The following DAZL variants were observed in gnomAD, a reference collection of about 807,000 sequenced individuals.
DAZL encodes the protein deleted in azoospermia like.
DAZL carries 4 observed loss-of-function variants against 45.0 expected under a neutral mutation model. The observed-to-expected ratio is 0.09, with a 90% CI of 0.04 to 0.20. The LOEUF (loss-of-function observed/expected upper bound fraction) is 0.20, where lower values mean the gene tolerates loss of function less well. Among genes scored for constraint, DAZL ranks in the 10% least tolerant of loss-of-function variants. The probability of loss-of-function intolerance (pLI) is 1.00; values close to 1 mark genes in which losing one functional copy is unlikely to be tolerated. For missense variants in DAZL, 326 were observed against 351.3 expected, an observed-to-expected ratio of 0.93 and a Z score of 0.58; for synonymous variants, 122 against 112.4, an observed-to-expected ratio of 1.09 and a Z score of -0.54.
At chr3:16,591,779 A>G (rs1331887934) in intron 10 of DAZL, among the ~76,000 whole-genome samples, 1 of 152,212 alleles carries the variant, frequency 6.6e-6, no homozygotes, top group African/African-American at 2.4e-5. Context: ...TATTTGGTCA[A>G]GCCAGTCAAC....
In DAZL at chr3:16,594,466, A is replaced by T. The variant is rs1694566821; in HGVS notation, c.621+67T>A. On this transcript the variant is annotated intron_variant, in intron 8 of 10. Coordinates refer to ENST00000399444, the MANE Select transcript of DAZL (RefSeq NM_001351.4). ...TATATGACATGGAAAACAATCAAGA[A>T]ATATAGTTAAACAAAAAAAAATACT... The T allele has an allele frequency of 2.5e-6, 3 of 1,191,732 alleles. No individual in the cohort carries two copies. The East Asian group carries it at 7.7e-5, about 31-fold the overall frequency. 73.8% of individuals were successfully genotyped at this position (1,191,732 alleles called of 1,614,324 possible).
chr3:16,597,667 T>G, intron 3 of DAZL, 126 bp from the exon 4 acceptor site: 1 of 695,342 alleles, frequency 1.4e-6, no homozygotes, highest in Non-Finnish European at 2.7e-6. Flanking sequence ...ATTTAAGATG[T>G]ACATGATAGA....
intron 1 of DAZL, chr3:16,604,511 C>A (rs1326593404): frequency 7.3e-6 from 11 of 1,513,936 alleles, no homozygotes; most frequent in South Asian, 2.5e-5. Flanking sequence ...ATCAGCAAGT[C>A]CCCCGCAGCT....
chr3:16,595,425 C>T (rs1466108401), intron 6 of DAZL, 40 bp from the exon 7 acceptor site: 5 of 1,209,558 alleles, frequency 4.1e-6, no homozygotes, highest in Admixed American at 2.1e-5. Flanking sequence ...TAATATAAAA[C>T]ATTTTTTAAA....
At chr3:16,605,081 G>A (rs1336746678) in intron 1 of DAZL, 122 bp downstream of exon 1, 69 of 1,282,634 alleles carry the variant, frequency 5.4e-5, no homozygotes, top group Non-Finnish European at 5.3e-5. Context: ...GGTGCGTCCA[G>A]GCAGGTGCCC....
chr3:16,600,430 T>C (rs929222602), intron 1 of DAZL, among the ~76,000 whole-genome samples: 37 of 152,226 alleles, frequency 2.4e-4, no homozygotes, highest in Admixed American at 1.5e-3. Context: ...TGTAAATAAT[T>C]CCTAATTCTT....
chr3:16,603,541 T>C lies in DAZL; in HGVS notation c.3+1662A>G, dbSNP rs904129785. Among the ~76,000 whole-genome samples the C allele has an allele frequency of 2.0e-5, 3 of 146,670 alleles. No homozygotes were observed. The Admixed American group carries it at 2.1e-4, about 10-fold the overall frequency. ...TTTCTGTTTTTAGTAGCGATGGGGT[T>C]TCGCCGTATTAGCCAGGCTGGTCTC... is the stretch of plus-strand genomic sequence containing the variant. On this transcript the variant is annotated intron_variant, in intron 1 of 10. Transcript: ENST00000399444.
chr3:16,604,539 C>G, intron 1 of DAZL: 2 of 1,465,506 alleles, frequency 1.4e-6, no homozygotes, highest in Non-Finnish European at 1.8e-6. Flanking sequence ...GCGAGGGGAC[C>G]AGAGGCACTT....
intron 2 of DAZL, 102 bp downstream of exon 2, chr3:16,598,350 T>C: frequency 5.9e-6 from 9 of 1,513,772 alleles, no homozygotes; most frequent in Non-Finnish European, 8.2e-6. Flanking sequence ...AAACCAATTC[T>C]AAACCTCCAT....
At chr3:16,593,998 C>CT (rs1172827030) in intron 8 of DAZL, among the ~76,000 whole-genome samples, 1 of 152,154 alleles carries the variant, frequency 6.6e-6, no homozygotes, top group African/African-American at 2.4e-5. Flanking sequence ...TAGAAGAACT[C>CT]TAAGAAACTA....
At chr3:16,597,890 T>C (rs1294140954) in intron 3 of DAZL, among the ~76,000 whole-genome samples, 197 bp downstream of exon 3, 2 of 152,202 alleles carry the variant, frequency 1.3e-5, no homozygotes, top group East Asian at 3.8e-4. Context: ...TTCATTTGTA[T>C]GAAATAAAGA....
intron 1 of DAZL, among the ~76,000 whole-genome samples, chr3:16,601,688 A>G (rs1023371927): frequency 2.6e-5 from 4 of 152,222 alleles, no homozygotes; most frequent in African/African-American, 9.6e-5. Flanking sequence ...AAACTGCATT[A>G]AAGAAGTAAT....
chr3:16,595,449 T>A, intron 6 of DAZL, 64 bp from the exon 7 acceptor site: 2 of 953,022 alleles, frequency 2.1e-6, no homozygotes, highest in Non-Finnish European at 3.2e-6. Context: ...AGAAATATTA[T>A]TCCCAATATA....
At chr3:16,603,706 T>C (rs1694729079) in intron 1 of DAZL, among the ~76,000 whole-genome samples, 1 of 152,178 alleles carries the variant, frequency 6.6e-6, no homozygotes, top group Non-Finnish European at 1.5e-5. Flanking sequence ...GGTAAAATAA[T>C]GGTATAATTT....
intron 1 of DAZL, among the ~76,000 whole-genome samples, chr3:16,600,246 A>G (rs924508629): frequency 5.3e-5 from 8 of 152,228 alleles, no homozygotes; most frequent in Non-Finnish European, 8.8e-5. Context: ...TGAAAAGCAC[A>G]GTAATTTTAT....
chr3:16,599,788 T>C lies in DAZL; in HGVS notation c.4-1190A>G, dbSNP rs567153068. ...TAATATATATGTTGGAGAAGCAATA[T>C]AGCAGAGTGAAACAAAAATTAATTT... On this transcript the variant is annotated intron_variant, in intron 1 of 10. Coordinates refer to ENST00000399444, the MANE Select transcript of DAZL (RefSeq NM_001351.4). Among the ~76,000 whole-genome samples the C allele has an allele frequency of 3.3e-5, 5 of 152,324 alleles. No homozygotes were observed. In the East Asian group the frequency reaches 7.7e-4, roughly 23 times the overall value.
At chr3:16,593,837 A>G (rs1694557773) in intron 8 of DAZL, 69 bp from the exon 9 acceptor site, 1 of 985,960 alleles carries the variant, frequency 1.0e-6, no homozygotes, top group African/African-American at 1.6e-5. Context: ...CTTATTCTTC[A>G]AAAAGCTAAG....
At position 16,598,118 on chromosome 3, in the gene DAZL, T is replaced by A. The variant is rs754229157; in HGVS notation, c.211A>T (p.Ile71Leu). Reference sequence around the variant, plus strand: ...GACACACCAGTTCGATCAGTGATTATCTTCACTTCTTTCACTGAACCATAT... The same window carrying A: ...GACACACCAGTTCGATCAGTGATTAACTTCACTTCTTTCACTGAACCATAT... The part of the protein sequence containing the change: ...ARYGSVKEVK[I>L]ITDRTGVSKG... Residue 71 changes from isoleucine (I) to leucine (L), a missense_variant, in exon 3 of 11, where the codon ATA becomes TTA. Physicochemically the swap from Ile to Leu is conservative, Grantham distance 5. Coordinates refer to ENST00000399444, the MANE Select transcript of DAZL (RefSeq NM_001351.4). The A allele has an allele frequency of 1.6e-5, 25 of 1,599,694 alleles. No individual in the cohort carries two copies. The highest frequency in any genetic ancestry group is 2.1e-5 in the Non-Finnish European group (24 of 1,169,926).
In DAZL at chr3:16,603,144, C is replaced by T. The variant is rs73818474; in HGVS notation, c.3+2059G>A. On this transcript the variant is annotated intron_variant, in intron 1 of 10. Transcript: ENST00000399444. ...CACCATCAGTGGGAAAATACTGATACATTCTTTACACCAAGAGTAGCTTGG... is the reference window on the plus strand; with the variant it reads ...CACCATCAGTGGGAAAATACTGATATATTCTTTACACCAAGAGTAGCTTGG... Among the ~76,000 whole-genome samples, 511 of 152,306 alleles carry T rather than the reference C, an allele frequency of 3.4e-3. 4 individuals are homozygous for T. The highest frequency in any genetic ancestry group is 0.012 in the African/African-American group (479 of 41,560).
Sources: gnomAD v4.1 joint callset for allele counts (sites outside exome capture counted in the v4.1 genomes callset) on GRCh38, gnomAD v4.1.1 for gene constraint, MANE v1.5 for transcripts, NCBI Gene and HGNC (gene_info 2026-07-23, HGNC 2026-07-21) for gene names.